Variants in ADARB2 observed in about 807,000 individuals in gnomAD.
ADARB2 encodes the protein adenosine deaminase RNA specific B2 (inactive).
A neutral mutation model predicts 62.2 loss-of-function variants in ADARB2; 25 were observed. The ratio of observed to expected loss-of-function variants is 0.40; its 90% CI spans 0.29 to 0.56. The LOEUF (loss-of-function observed/expected upper bound fraction) is 0.56. ADARB2 is among the 20% of genes least tolerant of loss of function. The pLI, the probability that ADARB2 is intolerant of heterozygous loss-of-function variation, is 0.43. For missense variants in ADARB2, 1,071 were observed against 1,077.4 expected, an observed-to-expected ratio of 0.99 and a Z score of 0.08; for synonymous variants, 572 against 500.8, an observed-to-expected ratio of 1.14 and a Z score of -1.90.
intron 1 of ADARB2, among the ~76,000 whole-genome samples, chr10:1,528,494 A>G (rs917346782): frequency 6.6e-6 from 1 of 152,216 alleles, no homozygotes; most frequent in Non-Finnish European, 1.5e-5. Flanking sequence ...TAATGGTGTG[A>G]GGAACACACT....
At chr10:1,410,278 G>A (rs975740284) in intron 1 of ADARB2, among the ~76,000 whole-genome samples, 1 of 134,248 alleles carries the variant, frequency 7.4e-6, no homozygotes, top group African/African-American at 3.9e-5. Context: ...TGGTCATGGG[G>A]AAGGATTCTC....
chr10:1,581,211 G>A (rs10903495), intron 1 of ADARB2, among the ~76,000 whole-genome samples: 7 of 152,196 alleles, frequency 4.6e-5, no homozygotes, highest in Non-Finnish European at 1.0e-4. Context: ...GTCCTCAAAC[G>A]ATGTTCAAGG....
chr10:1,422,432 G>C (rs960664686), intron 1 of ADARB2, among the ~76,000 whole-genome samples: 1 of 152,220 alleles, frequency 6.6e-6, no homozygotes, highest in Non-Finnish European at 1.5e-5. Context: ...GGGGCTGCAG[G>C]TGAGGGCACA....
chr10:1,487,280 A>C (rs1463309714), intron 1 of ADARB2, among the ~76,000 whole-genome samples: 1 of 152,284 alleles, frequency 6.6e-6, no homozygotes, highest in Non-Finnish European at 1.5e-5. Context: ...GTAACATTTA[A>C]ATTACTTGAG....
rs1214547418 is a variant in ADARB2 at position 1,398,830 on chromosome 10, G to A, written c.101-19670C>T. Among the ~76,000 whole-genome samples the A allele has an allele frequency of 1.3e-5, 2 of 152,106 alleles. No individual in the cohort carries two copies. Among genetic ancestry groups the A allele is most frequent in the East Asian group, 1.9e-4 (1 of 5,184 alleles). ...TGGGAAGAAGAGATTTTCTCCCTCC[G>A]CAGCAGCAGCGCAGCCTGCACGAGG... On this transcript the variant is annotated intron_variant, in intron 1 of 9. Transcript: ENST00000381312. This position sits in a 1 kb window ranked among gnomAD's most constrained non-coding sequence, Gnocchi z 4.1.
chr10:1,549,333 G>A (rs1368924794), intron 1 of ADARB2, among the ~76,000 whole-genome samples: 1 of 152,200 alleles, frequency 6.6e-6, no homozygotes, highest in African/African-American at 2.4e-5. Context: ...GACTGTCTCT[G>A]TTTAGCAGGG....
At chr10:1,474,176 T>A (rs1319708839) in intron 1 of ADARB2, among the ~76,000 whole-genome samples, 1 of 152,194 alleles carries the variant, frequency 6.6e-6, no homozygotes, top group Admixed American at 6.5e-5. Context: ...ACAGTACACG[T>A]CACATCTGTA....
At chr10:1,227,132 T>A (rs181296614) in intron 6 of ADARB2, among the ~76,000 whole-genome samples, 2 of 152,242 alleles carry the variant, frequency 1.3e-5, no homozygotes, top group African/African-American at 4.8e-5. Flanking sequence ...CCAGCCTCAC[T>A]GCCGCCTTGC....
chr10:1,520,939 C>T (rs573757440), intron 1 of ADARB2, among the ~76,000 whole-genome samples: 4 of 152,154 alleles, frequency 2.6e-5, no homozygotes, highest in Non-Finnish European at 5.9e-5. Flanking sequence ...CCTCGATTTA[C>T]GCAGAAATGT....
At chr10:1,200,358 T>C (rs1296909294) in intron 7 of ADARB2, 1 of 642,128 alleles carries the variant, frequency 1.6e-6, no homozygotes, top group East Asian at 2.8e-5. Context: ...CAGGCCCATG[T>C]GTGCTAACAA....
At chr10:1,482,987 C>T (rs1831491826) in intron 1 of ADARB2, among the ~76,000 whole-genome samples, 1 of 152,108 alleles carries the variant, frequency 6.6e-6, no homozygotes. Context: ...TCTAACTTTC[C>T]AGTGAAATTA....
chr10:1,642,861 C>G (rs1043181194), intron 1 of ADARB2, among the ~76,000 whole-genome samples: 1 of 152,202 alleles, frequency 6.6e-6, no homozygotes, highest in Non-Finnish European at 1.5e-5. Context: ...GAACTGCAGG[C>G]AGGTATGTTC....
chr10:1,630,827 C>T (rs1326275620), intron 1 of ADARB2, among the ~76,000 whole-genome samples: 1 of 151,922 alleles, frequency 6.6e-6, no homozygotes, highest in Non-Finnish European at 1.5e-5. Flanking sequence ...TGGTGGTGGG[C>T]GTCTGTAGTC....
intron 1 of ADARB2, among the ~76,000 whole-genome samples, chr10:1,648,696 A>G (rs1398601914): frequency 6.6e-6 from 1 of 152,196 alleles, no homozygotes; most frequent in Non-Finnish European, 1.5e-5. Context: ...TGTTCAGAAG[A>G]TGAATCTACC....
chr10:1,695,898 GCA>G (rs1245189776), intron 1 of ADARB2, among the ~76,000 whole-genome samples: 1 of 151,980 alleles, frequency 6.6e-6, no homozygotes, highest in Non-Finnish European at 1.5e-5. Flanking sequence ...ATGCATGAGG[GCA>G]CACACGTGCA....
chr10:1,706,903 G>GTTGGGCAGCAAGTAGGGTTTCA (rs373138512), intron 1 of ADARB2, among the ~76,000 whole-genome samples: 97 of 148,240 alleles, frequency 6.5e-4, no homozygotes, highest in African/African-American at 2.3e-3. Context: ...TGGGGTTTTT[G>GTTGGGCAGCAAGTAGGGTTTCA]TTGGGCAGGA....
intron 1 of ADARB2, among the ~76,000 whole-genome samples, chr10:1,509,704 T>C (rs1216479240): frequency 2.0e-5 from 3 of 152,214 alleles, no homozygotes; most frequent in Non-Finnish European, 4.4e-5. Context: ...AGTTTCTCAT[T>C]AGGTCCGTGC....
intron 1 of ADARB2, among the ~76,000 whole-genome samples, chr10:1,691,954 TCCA>T (rs1834678812): frequency 6.6e-6 from 1 of 152,194 alleles, no homozygotes; most frequent in Admixed American, 6.5e-5. Flanking sequence ...TGGATTAATG[TCCA>T]CCATTTTAAA....
chr10:1,565,318 C>CA (rs1472261976), intron 1 of ADARB2, among the ~76,000 whole-genome samples: 1 of 152,170 alleles, frequency 6.6e-6, no homozygotes, highest in Non-Finnish European at 1.5e-5. Flanking sequence ...CAGGAAAAAT[C>CA]ATTGCCTGCA....
Sources: allele counts gnomAD v4.1 joint callset (sites outside exome capture counted in the v4.1 genomes callset), GRCh38; gene constraint gnomAD v4.1.1; non-coding constraint Gnocchi (gnomAD v3.1); transcripts MANE v1.5; gene names NCBI Gene and HGNC (gene_info 2026-07-23, HGNC 2026-07-21).